The following SEZ6L variants were observed in gnomAD, a reference collection of about 807,000 sequenced individuals.
SEZ6L encodes the protein seizure related 6 homolog like, also known as seizure 6-like protein.
Under a neutral mutation model 106.2 loss-of-function variants are expected in SEZ6L, and 37 were observed. The ratio of observed to expected loss-of-function variants is 0.35; its 90% confidence interval spans 0.27 to 0.46. The LOEUF is 0.46. SEZ6L is among the 20% of genes least tolerant of loss of function. The pLI, the probability that SEZ6L is intolerant of heterozygous loss-of-function variation, is 1.00. For missense variants in SEZ6L, 1,172 were observed against 1,332.8 expected, an observed-to-expected ratio of 0.88 and a Z score of 1.88; for synonymous variants, 541 against 570.4, an observed-to-expected ratio of 0.95 and a Z score of 0.73.
chr22:26,326,882 T>C (rs1408912627), intron 9 of SEZ6L, among the ~76,000 whole-genome samples: 1 of 152,216 alleles, frequency 6.6e-6, no homozygotes, highest in Non-Finnish European at 1.5e-5. Context: ...TGCAAACCCC[T>C]CTGGGGCCTT....
chr22:26,363,225 T>C (rs2083693635), intron 12 of SEZ6L, among the ~76,000 whole-genome samples: 1 of 152,270 alleles, frequency 6.6e-6, no homozygotes, highest in African/African-American at 2.4e-5. Flanking sequence ...GAAAGCTTGG[T>C]AACTATTGTT....
chr22:26,365,965 G>GA (rs556635004), intron 13 of SEZ6L, among the ~76,000 whole-genome samples: 181 of 152,138 alleles, frequency 1.2e-3, no homozygotes, highest in Admixed American at 2.0e-3. Context: ...CACTAAAAAA[G>GA]AAAAAAACAT....
intron 1 of SEZ6L, among the ~76,000 whole-genome samples, chr22:26,213,578 C>G (rs1008602515): frequency 2.0e-5 from 3 of 152,202 alleles, no homozygotes; most frequent in Non-Finnish European, 4.4e-5. Flanking sequence ...CCCCTGGTTA[C>G]TTTTATTTAT....
chr22:26,277,864 A>G (rs1309181304), intron 1 of SEZ6L, among the ~76,000 whole-genome samples: 1 of 152,238 alleles, frequency 6.6e-6, no homozygotes, highest in Admixed American at 6.5e-5. Flanking sequence ...ACAGGAAAGA[A>G]GCCAGGTAAT....
chr22:26,308,847 C>A (rs1454339182), intron 6 of SEZ6L, among the ~76,000 whole-genome samples: 2 of 152,114 alleles, frequency 1.3e-5, no homozygotes, highest in Non-Finnish European at 1.5e-5. Flanking sequence ...AGCTTTCCTC[C>A]AGAGCAACCC....
At chr22:26,197,447 A>G (rs1000631142) in intron 1 of SEZ6L, among the ~76,000 whole-genome samples, 1 of 152,212 alleles carries the variant, frequency 6.6e-6, no homozygotes, top group African/African-American at 2.4e-5. Flanking sequence ...TGGGTGAGTA[A>G]GTAACATTGT....
intron 13 of SEZ6L, among the ~76,000 whole-genome samples, chr22:26,368,701 C>T (rs2083901350): frequency 6.6e-6 from 1 of 151,628 alleles, no homozygotes; most frequent in Non-Finnish European, 1.5e-5. Context: ...TGAATTGTAA[C>T]ACTTTGAAAT....
chr22:26,246,705 T>C (rs1372126318), intron 1 of SEZ6L, among the ~76,000 whole-genome samples: 2 of 152,204 alleles, frequency 1.3e-5, no homozygotes, highest in African/African-American at 2.4e-5. Context: ...AATGAGATAA[T>C]ATTTGTTGAG....
chr22:26,231,175 G>A (rs1373409644), intron 1 of SEZ6L, among the ~76,000 whole-genome samples: 1 of 152,228 alleles, frequency 6.6e-6, no homozygotes, highest in Non-Finnish European at 1.5e-5. Flanking sequence ...AGGCAGTTAT[G>A]CACCCATATT....
intron 14 of SEZ6L, 83 bp downstream of exon 14, chr22:26,373,566 T>C: frequency 9.7e-7 from 1 of 1,032,136 alleles, no homozygotes; most frequent in Non-Finnish European, 1.4e-6. Context: ...AATATCTTTA[T>C]TTAGACACTT....
chr22:26,205,310 G>A (rs536659534), intron 1 of SEZ6L, among the ~76,000 whole-genome samples: 2 of 152,254 alleles, frequency 1.3e-5, no homozygotes, highest in South Asian at 4.2e-4. Flanking sequence ...ACATGCATCA[G>A]GATGGTCTTC....
intron 1 of SEZ6L, among the ~76,000 whole-genome samples, chr22:26,183,369 T>C (rs930385018): frequency 1.1e-4 from 17 of 152,234 alleles, no homozygotes; most frequent in African/African-American, 3.6e-4. Flanking sequence ...AGTTCTTTTC[T>C]TCTGTCTTCT....
rs114269128 is a variant in SEZ6L, at chr22:26,216,789, T to C, written c.94+47026T>C. 4.4e-3 allele frequency among the ~76,000 whole-genome samples: 669 copies of C among 152,324 alleles called. 4 individuals carry two copies. The highest frequency in any genetic ancestry group is 0.015 in the African/African-American group (641 of 41,574). On this transcript the variant is annotated intron_variant, in intron 1 of 16. Transcript: ENST00000248933. ...CAAAATGGCCAAAATTTATCAGACA[T>C]CATGCTATTAATTTGTATTAAATCT...
chr22:26,332,453 AT>A lies in SEZ6L; in HGVS notation c.2016-7971del, dbSNP rs368247917. Among the ~76,000 whole-genome samples the A allele has an allele frequency of 5.7e-3, 838 of 145,810 alleles. 11 individuals carry two copies. Among genetic ancestry groups the A allele is most frequent in the African/African-American group, 0.019 (746 of 39,154 alleles). ...GTGTGAGCCACTGCACCCAGTCCAG[AT>A]TTTTTTTTTTTAGACAGCATCTCAC... On this transcript the variant is annotated intron_variant, in intron 9 of 16. Coordinates refer to ENST00000248933, the MANE Select transcript of SEZ6L (RefSeq NM_021115.5).
chr22:26,188,235 C>T (rs73879847), intron 1 of SEZ6L, among the ~76,000 whole-genome samples: 2 of 152,176 alleles, frequency 1.3e-5, no homozygotes, highest in African/African-American at 4.8e-5. Context: ...TTTTAGTTAA[C>T]TATTGTTGTG....
intron 6 of SEZ6L, among the ~76,000 whole-genome samples, chr22:26,309,285 C>A (rs948740577): frequency 5.3e-5 from 8 of 152,116 alleles, no homozygotes; most frequent in African/African-American, 1.9e-4. Flanking sequence ...AAAATAAATA[C>A]CCAACATTTT....
intron 1 of SEZ6L, among the ~76,000 whole-genome samples, chr22:26,283,047 A>C (rs1204776394): frequency 6.6e-6 from 1 of 152,018 alleles, no homozygotes; most frequent in African/African-American, 2.4e-5. Flanking sequence ...CAGCCTCCTG[A>C]GTAGCTGGGA....
chr22:26,257,954 A>G (rs2079877639), intron 1 of SEZ6L, among the ~76,000 whole-genome samples: 2 of 152,204 alleles, frequency 1.3e-5, no homozygotes, highest in African/African-American at 4.8e-5. Context: ...CTTTCAGAAG[A>G]ATAAATGCTT....
intron 1 of SEZ6L, among the ~76,000 whole-genome samples, chr22:26,269,637 G>C (rs1453825255): frequency 6.6e-6 from 1 of 152,150 alleles, no homozygotes; most frequent in Non-Finnish European, 1.5e-5. Context: ...AACATATTTT[G>C]CTGCTAACGT....
Sources: gnomAD v4.1 joint callset for allele counts (sites outside exome capture counted in the v4.1 genomes callset) on GRCh38, gnomAD v4.1.1 for gene constraint, MANE v1.5 for transcripts, NCBI Gene and HGNC (gene_info 2026-07-23, HGNC 2026-07-21) for gene names.